MDN1: variants seen among roughly 807,000 people sequenced by gnomAD.
MDN1 encodes the protein midasin.
MDN1 carries 266 observed loss-of-function variants against 669.2 expected under a neutral mutation model. That is an observed-to-expected ratio of 0.40 (90% CI 0.36 to 0.44). The LOEUF (loss-of-function observed/expected upper bound fraction) is 0.44. Ranked by LOEUF, MDN1 falls within the 20% of genes least tolerant of loss-of-function variation. The pLI, the probability that MDN1 is intolerant of heterozygous loss-of-function variation, is 1.00. For missense variants in MDN1, 5,940 were observed against 6,754.0 expected (o/e 0.88, Z 4.22); for synonymous variants, 2,385 against 2,457.1 (o/e 0.97, Z 0.87).
chr6:89,803,252 A>G, intron 2 of MDN1, 76 bp downstream of exon 2: 1 of 1,260,374 alleles, frequency 7.9e-7, no homozygotes, highest in South Asian at 1.2e-5. Context: ...TTCTCAGCTC[A>G]GACTCCCTTA....
rs1811999148 is a variant in MDN1, at chr6:89,686,286, A to G, written c.11573-313T>C. On this transcript the variant is annotated intron_variant, in intron 69 of 101. Coordinates refer to ENST00000369393, the MANE Select transcript of MDN1 (RefSeq NM_014611.3). ...CTAAAAATACAAAAATTAGACAGGC[A>G]TGGTGTTGGGCACCGGTAATCCCAG... Among the ~76,000 whole-genome samples the G allele has an allele frequency of 2.6e-5, 4 of 152,142 alleles. No individual in the cohort carries two copies. The South Asian group carries it at 8.3e-4, about 31-fold the overall frequency.
chr6:89,712,892 T>C (rs946034167), intron 47 of MDN1, 106 bp from the exon 48 acceptor site: 2 of 1,005,108 alleles, frequency 2.0e-6, no homozygotes, highest in Admixed American at 4.6e-5. Flanking sequence ...CAACAACTTT[T>C]AATACACTCT....
At chr6:89,648,811 T>G in intron 97 of MDN1, among the ~76,000 whole-genome samples, 1 of 47,984 alleles carries the variant, frequency 2.1e-5, no homozygotes, top group African/African-American at 1.0e-4. Flanking sequence ...TAACCCTGTC[T>G]TCAAAAAAAA....
chr6:89,690,204 A>G, intron 64 of MDN1, 61 bp from the exon 65 acceptor site: 2 of 1,517,252 alleles, frequency 1.3e-6, no homozygotes, highest in Non-Finnish European at 1.8e-6. Context: ...TAATCAGACT[A>G]AAAGGAAGAA....
intron 26 of MDN1, among the ~76,000 whole-genome samples, chr6:89,747,695 TC>T (rs879382492): frequency 2.0e-5 from 3 of 151,472 alleles, no homozygotes; most frequent in Non-Finnish European, 2.9e-5. Context: ...ATCGAGACCA[TC>T]CTGGCTAACA....
intron 2 of MDN1, among the ~76,000 whole-genome samples, chr6:89,795,048 C>T (rs1340119323): frequency 1.3e-5 from 2 of 152,084 alleles, no homozygotes; most frequent in African/African-American, 4.8e-5. Context: ...TCTACTTAGT[C>T]GTAAAATTGT....
chr6:89,780,784 G>A (rs1286952259), intron 10 of MDN1, among the ~76,000 whole-genome samples: 1 of 150,562 alleles, frequency 6.6e-6, no homozygotes, highest in Non-Finnish European at 1.5e-5. Context: ...GGGATTACAG[G>A]CACCTGCCAC....
chr6:89,773,384 A>G (rs964576871), intron 13 of MDN1, among the ~76,000 whole-genome samples: 1 of 151,916 alleles, frequency 6.6e-6, no homozygotes, highest in African/African-American at 2.4e-5. Flanking sequence ...TACTAAAAAT[A>G]CAAAAATTAC....
chr6:89,707,111 T>C (rs375925124), intron 52 of MDN1, among the ~76,000 whole-genome samples: 1 of 152,188 alleles, frequency 6.6e-6, no homozygotes. Context: ...TGGGGACCTA[T>C]ATCACAGGTG....
chr6:89,812,351 G>A (rs996122066), intron 1 of MDN1, among the ~76,000 whole-genome samples: 54 of 152,046 alleles, frequency 3.6e-4, no homozygotes, highest in African/African-American at 1.3e-3. Context: ...TTGGGAGGCC[G>A]AGGCAGGTAG....
Position 89,696,419 on chromosome 6 carries a change from G to A in MDN1, c.9324C>T (p.Leu3108=). The A allele has an allele frequency of 6.2e-7, 1 of 1,614,148 alleles. No individual in the cohort carries two copies. The highest frequency in any genetic ancestry group is 2.2e-5 in the East Asian group (1 of 44,878). ...TCCAAAGCATCGAACTGATGTCCTG[G>A]AGCTGCTGAGTTCTCTCAACCCACT... is the stretch of plus-strand genomic sequence containing the variant. ...LGEWVERTQQ[L]QDISSMLWTN... is the part of the protein sequence containing the mutation. Residue 3108 remains leucine (L), a synonymous_variant, in exon 60 of 102, where the codon CTC becomes CTT. Transcript: ENST00000369393.
chr6:89,743,164 C>T lies in MDN1; in HGVS notation c.4434G>A (p.Leu1478=). The change falls in exon 31 of 102, where the codon TTG becomes TTA. Residue 1478 remains leucine, a synonymous_variant. Coordinates refer to ENST00000369393, the MANE Select transcript of MDN1 (RefSeq NM_014611.3). ...CAGGCACGTACCTGTTGAGTCTTTCCAAGACAGAGTCATCGGCCAATGAGA... is the reference window on the plus strand; with the variant it reads ...CAGGCACGTACCTGTTGAGTCTTTCTAAGACAGAGTCATCGGCCAATGAGA... ...DEISLADDSV[L]ERLNSVLEVE... 1.2e-6 allele frequency: 2 copies of T among 1,614,032 alleles called. No individual in the cohort carries two copies. Among genetic ancestry groups the T allele is most frequent in the Non-Finnish European group, 1.7e-6 (2 of 1,179,998 alleles).
At chr6:89,705,634 AT>A (rs1813464851) in intron 53 of MDN1, among the ~76,000 whole-genome samples, 1 of 152,254 alleles carries the variant, frequency 6.6e-6, no homozygotes, top group Non-Finnish European at 1.5e-5. Context: ...GTGAAAGAAT[AT>A]AAACAAAAAA....
chr6:89,741,935 T>C (rs1461356452), intron 31 of MDN1, among the ~76,000 whole-genome samples: 1 of 151,594 alleles, frequency 6.6e-6, no homozygotes, highest in Non-Finnish European at 1.5e-5. Context: ...ACCCCATCTT[T>C]ACTAAAAATA....
Position 89,701,974 on chromosome 6 carries a change from G to A in MDN1, c.8236C>T (p.Leu2746Phe), listed in dbSNP as rs1813189865. The A allele has an allele frequency of 1.2e-6, 2 of 1,613,862 alleles. No homozygotes were observed. The highest frequency in any genetic ancestry group is 1.7e-6 in the Non-Finnish European group (2 of 1,179,794). The change falls in exon 54 of 102, where the codon CTC becomes TTC. Residue 2746 changes from leucine to phenylalanine, a missense_variant. Physicochemically the swap from Leu to Phe is conservative, Grantham distance 22. Transcript: ENST00000369393. ...VDAPGLALLA[L>F]HWHWVLKHLV... is the part of the protein sequence containing the mutation. The stretch of plus-strand genomic sequence containing the variant: ...TGTTTTAAAACCCAGTGCCAATGGA[G>A]GGCAAGAAGGGCCAGACCTGGGGCA...
At chr6:89,678,069 T>A (rs1301753900) in intron 75 of MDN1, among the ~76,000 whole-genome samples, 1 of 152,088 alleles carries the variant, frequency 6.6e-6, no homozygotes. Flanking sequence ...GTCAGGAGAT[T>A]GAGACCATCC....
chr6:89,763,835 T>C (rs1817676425), intron 15 of MDN1, among the ~76,000 whole-genome samples: 2 of 152,164 alleles, frequency 1.3e-5, no homozygotes, highest in Admixed American at 1.3e-4. Flanking sequence ...AGAAAAAAAG[T>C]TGAAGAGGAA....
chr6:89,740,403 G>A, intron 31 of MDN1, 25 bp from the exon 32 acceptor site: 3 of 1,558,030 alleles, frequency 1.9e-6, no homozygotes, highest in Non-Finnish European at 2.6e-6. Context: ...GAAGAACAGT[G>A]AAAAGGGCTT....
Position 89,745,731 on chromosome 6 carries a change from G to A in MDN1, c.3905-105C>T, listed in dbSNP as rs1026593362. The A allele has an allele frequency of 4.4e-6, 5 of 1,139,170 alleles. No individual in the cohort carries two copies. The African/African-American group carries it at 7.8e-5, about 18-fold the overall frequency. The allele number at this position is 1,139,170 out of a possible 1,614,324, so 70.6% of individuals were successfully genotyped here. ...ACAATAGAAACTCTCATACGCGGCTGGTGAGGTAGAAATCTGAAGAACTAG... is the reference window on the plus strand; with the variant it reads ...ACAATAGAAACTCTCATACGCGGCTAGTGAGGTAGAAATCTGAAGAACTAG... On this transcript the variant is annotated intron_variant, in intron 27 of 101. Coordinates refer to ENST00000369393, the MANE Select transcript of MDN1 (RefSeq NM_014611.3).
Sources: gnomAD v4.1 joint callset for allele counts (sites outside exome capture counted in the v4.1 genomes callset) on GRCh38, gnomAD v4.1.1 for gene constraint, MANE v1.5 for transcripts, NCBI Gene and HGNC (gene_info 2026-07-23, HGNC 2026-07-21) for gene names.